ZMAT4: variants seen among roughly 807,000 people sequenced by gnomAD.
ZMAT4 encodes the protein zinc finger matrin-type 4.
In ZMAT4, 17 loss-of-function variants were observed where a neutral mutation model predicts 28.7. The observed-to-expected ratio is 0.59, with a 90% CI of 0.41 to 0.89. The LOEUF is 0.89. ZMAT4 is among the 40% of genes least tolerant of loss of function. The pLI, the probability that ZMAT4 is intolerant of heterozygous loss-of-function variation, is 0.00. For missense variants in ZMAT4, 240 were observed against 283.8 expected, an observed-to-expected ratio of 0.85 and a Z score of 1.11; for synonymous variants, 117 against 109.2, an observed-to-expected ratio of 1.07 and a Z score of -0.44.
intron 6 of ZMAT4, among the ~76,000 whole-genome samples, chr8:40,567,634 C>T (rs1026182978): frequency 1.9e-4 from 29 of 150,506 alleles, no homozygotes; most frequent in African/African-American, 6.3e-4. Context: ...CCCTGGGAGG[C>T]GGAGGTTGCA....
intron 2 of ZMAT4, among the ~76,000 whole-genome samples, chr8:40,785,043 T>C (rs1269179592): frequency 6.6e-6 from 1 of 152,268 alleles, no homozygotes; most frequent in Non-Finnish European, 1.5e-5. Context: ...CTGCAGGATA[T>C]GTTTTCCTCG....
chr8:40,840,571 C>CT (rs1816665969), intron 1 of ZMAT4, among the ~76,000 whole-genome samples: 1 of 152,170 alleles, frequency 6.6e-6, no homozygotes, highest in Admixed American at 6.5e-5. Flanking sequence ...TGGACCTCAC[C>CT]TCATTAGACA....
intron 5 of ZMAT4, among the ~76,000 whole-genome samples, chr8:40,651,850 A>G: frequency 8.0e-6 from 1 of 124,248 alleles, no homozygotes; most frequent in Admixed American, 8.7e-5. Flanking sequence ...CCTATTTAAT[A>G]AATGGTGCTG....
chr8:40,750,917 T>G (rs908432465), intron 3 of ZMAT4, among the ~76,000 whole-genome samples: 1 of 152,234 alleles, frequency 6.6e-6, no homozygotes, highest in African/African-American at 2.4e-5. Flanking sequence ...AGAATTCTTT[T>G]ATTCAAACTA....
At chr8:40,802,925 A>G (rs1814916050) in intron 2 of ZMAT4, among the ~76,000 whole-genome samples, 1 of 152,208 alleles carries the variant, frequency 6.6e-6, no homozygotes. Flanking sequence ...CCACATAAAT[A>G]GAGTCAATTG....
intron 5 of ZMAT4, among the ~76,000 whole-genome samples, chr8:40,587,682 A>C (rs1159223483): frequency 6.6e-6 from 1 of 152,096 alleles, no homozygotes; most frequent in African/African-American, 2.4e-5. Context: ...AGCCAAAATA[A>C]GGCAGAAAAG....
intron 3 of ZMAT4, among the ~76,000 whole-genome samples, chr8:40,699,605 C>CAG (rs1810043588): frequency 6.6e-6 from 1 of 151,872 alleles, no homozygotes; most frequent in Non-Finnish European, 1.5e-5. Flanking sequence ...TGCACACACA[C>CAG]ACACACACAC....
chr8:40,634,211 T>C (rs941725961), intron 5 of ZMAT4, among the ~76,000 whole-genome samples: 4 of 152,204 alleles, frequency 2.6e-5, no homozygotes, highest in Non-Finnish European at 5.9e-5. Context: ...GAGAATTCTC[T>C]AAAAGATTGT....
chr8:40,598,305 C>A (rs1392485107), intron 5 of ZMAT4, among the ~76,000 whole-genome samples: 2 of 152,140 alleles, frequency 1.3e-5, no homozygotes, highest in African/African-American at 4.8e-5. Context: ...TATCAATCCA[C>A]CATCTAGGTT....
chr8:40,579,211 T>C (rs1364247161), intron 6 of ZMAT4, among the ~76,000 whole-genome samples: 2 of 152,204 alleles, frequency 1.3e-5, no homozygotes, highest in Non-Finnish European at 2.9e-5. Flanking sequence ...TCTGTATTAG[T>C]TATTTAAATA....
At chr8:40,860,043 T>C (rs1817434210) in intron 1 of ZMAT4, among the ~76,000 whole-genome samples, 1 of 152,234 alleles carries the variant, frequency 6.6e-6, no homozygotes, top group Non-Finnish European at 1.5e-5. Context: ...CATTAAGGAC[T>C]AATCCCAGCT....
At chr8:40,874,910 T>C (rs556634484) in intron 1 of ZMAT4, among the ~76,000 whole-genome samples, 1 of 152,218 alleles carries the variant, frequency 6.6e-6, no homozygotes, top group East Asian at 1.9e-4. Flanking sequence ...GAAAAATGCC[T>C]CTCCCTCTTC....
In ZMAT4 at chr8:40,888,856, G is replaced by T. The variant is rs138825522; in HGVS notation, c.-5+8827C>A. Among the ~76,000 whole-genome samples the T allele has an allele frequency of 4.0e-3, 604 of 152,322 alleles. 5 individuals are homozygous for T. The highest frequency in any genetic ancestry group is 0.014 in the African/African-American group (580 of 41,570). On this transcript the variant is annotated intron_variant, in intron 1 of 6. Coordinates refer to ENST00000297737, the MANE Select transcript of ZMAT4 (RefSeq NM_024645.3). ...ATGCATTTGGTCTTAATTAATAAGT[G>T]GATTAAGCCAAAGGCATGGCTTCTG...
chr8:40,722,041 T>G (rs184840109), intron 3 of ZMAT4, among the ~76,000 whole-genome samples: 225 of 152,066 alleles, frequency 1.5e-3, no homozygotes, highest in African/African-American at 5.3e-3. Flanking sequence ...GATTAAAGAT[T>G]TAAATGTTAG....
At chr8:40,631,774 A>G (rs1806592539) in intron 5 of ZMAT4, among the ~76,000 whole-genome samples, 1 of 152,242 alleles carries the variant, frequency 6.6e-6, no homozygotes, top group African/African-American at 2.4e-5. Flanking sequence ...TACGCTCTTA[A>G]GCCATTGGAT....
intron 1 of ZMAT4, among the ~76,000 whole-genome samples, chr8:40,834,135 C>T (rs1264326655): frequency 3.3e-5 from 5 of 152,232 alleles, no homozygotes; most frequent in African/African-American, 9.6e-5. Context: ...CTGCTGGGCA[C>T]ATGCACCTCA....
At chr8:40,585,553 A>T (rs921633254) in intron 5 of ZMAT4, among the ~76,000 whole-genome samples, 1 of 152,250 alleles carries the variant, frequency 6.6e-6, no homozygotes, top group Admixed American at 6.5e-5. Context: ...TCCTTTTGGG[A>T]ACTTAAATTT....
At chr8:40,884,059 G>C (rs185650277) in intron 1 of ZMAT4, among the ~76,000 whole-genome samples, 5 of 152,276 alleles carry the variant, frequency 3.3e-5, no homozygotes, top group Non-Finnish European at 7.3e-5. Context: ...CTCTCGCTCT[G>C]TGTGCAGGGA....
intron 2 of ZMAT4, among the ~76,000 whole-genome samples, chr8:40,786,981 T>G (rs562317506): frequency 6.6e-6 from 1 of 152,280 alleles, no homozygotes; most frequent in East Asian, 1.9e-4. Flanking sequence ...CCCGAGAAAT[T>G]TTTTCAATAA....
Sources: allele counts gnomAD v4.1 joint callset (sites outside exome capture counted in the v4.1 genomes callset), GRCh38; gene constraint gnomAD v4.1.1; transcripts MANE v1.5; gene names NCBI Gene and HGNC (gene_info 2026-07-23, HGNC 2026-07-21).